NFIB: variants seen among roughly 807,000 people sequenced by gnomAD.
The protein encoded by NFIB is nuclear factor I B, also known as nuclear factor 1 B-type.
In NFIB, 11 loss-of-function variants were observed where a neutral mutation model predicts 61.5. That is an observed-to-expected ratio of 0.18 (90% CI 0.11 to 0.30). NFIB has a LOEUF of 0.30. Ranked by LOEUF, NFIB falls within the 10% of genes least tolerant of loss-of-function variation. The pLI, the probability that NFIB is intolerant of heterozygous loss-of-function variation, is 1.00. For missense variants in NFIB, 471 were observed against 608.9 expected (o/e 0.77, Z 2.38); for synonymous variants, 260 against 216.5 (o/e 1.20, Z -1.76).
chr9:14,164,453 T>C (rs936780188), intron 3 of NFIB, among the ~76,000 whole-genome samples: 1 of 152,118 alleles, frequency 6.6e-6, no homozygotes, highest in African/African-American at 2.4e-5. Context: ...GACAATGGTA[T>C]GTGTGTATCT....
At chr9:14,484,235 C>T in the NFIB span, among the ~76,000 whole-genome samples, 2 of 152,188 alleles carry the variant, frequency 1.3e-5, no homozygotes, top group Non-Finnish European at 2.9e-5. Context: ...ACTAAACAGA[C>T]AAAATCCCTG....
chr9:14,315,570 G>C (rs964282505), upstream of NFIB, among the ~76,000 whole-genome samples: 1 of 143,816 alleles, frequency 7.0e-6, no homozygotes, highest in Non-Finnish European at 1.5e-5. Context: ...CGCGCGCGCC[G>C]CTGCAGCCCT....
the NFIB span, among the ~76,000 whole-genome samples, chr9:14,415,756 A>G: frequency 6.6e-6 from 1 of 152,246 alleles, no homozygotes; most frequent in Non-Finnish European, 1.5e-5. Context: ...TCGGTGTCCA[A>G]CAATAGCTCC....
At chr9:14,364,212 C>A (rs1437175246) in intron 1 of NFIB, among the ~76,000 whole-genome samples, 1 of 152,180 alleles carries the variant, frequency 6.6e-6, no homozygotes, top group Admixed American at 6.5e-5. Context: ...ACCCTCTTAG[C>A]AACCCTAAAA....
chr9:14,452,125 C>A, the NFIB span, among the ~76,000 whole-genome samples: 1 of 152,188 alleles, frequency 6.6e-6, no homozygotes, highest in East Asian at 1.9e-4. Flanking sequence ...TCTCATAAAG[C>A]CTTTCTTATT....
At chr9:14,330,678 C>T (rs930995843) in intron 1 of NFIB, among the ~76,000 whole-genome samples, 1 of 152,152 alleles carries the variant, frequency 6.6e-6, no homozygotes, top group Admixed American at 6.6e-5. Flanking sequence ...CAGAACACCA[C>T]TCTCTAGGTT....
chr9:14,139,972 T>C (rs1053718903), intron 6 of NFIB, among the ~76,000 whole-genome samples: 1 of 152,198 alleles, frequency 6.6e-6, no homozygotes, highest in Non-Finnish European at 1.5e-5. Context: ...ATATTTTCCA[T>C]AATAAGAAGC....
the NFIB span, among the ~76,000 whole-genome samples, chr9:14,421,103 G>C: frequency 1.4e-5 from 2 of 140,840 alleles, no homozygotes; most frequent in South Asian, 2.2e-4. Flanking sequence ...AAAAAATAAG[G>C]CATGTATACC....
intron 6 of NFIB, among the ~76,000 whole-genome samples, chr9:14,140,200 G>T (rs1395773043): frequency 6.6e-6 from 1 of 152,168 alleles, no homozygotes; most frequent in Non-Finnish European, 1.5e-5. Flanking sequence ...ACTTCTTCCA[G>T]TATGGTTACT....
chr9:14,153,142 T>C (rs1349775222), intron 4 of NFIB, among the ~76,000 whole-genome samples: 1 of 152,140 alleles, frequency 6.6e-6, no homozygotes, highest in Admixed American at 6.6e-5. Flanking sequence ...ATGGATTCCA[T>C]AAATATGTAC....
At chr9:14,521,262 G>T in the NFIB span, among the ~76,000 whole-genome samples, 2 of 152,268 alleles carry the variant, frequency 1.3e-5, no homozygotes, top group African/African-American at 4.8e-5. Context: ...CCAGAATAAG[G>T]TTCTGTCCTC....
At chr9:14,406,976 G>C in the NFIB span, among the ~76,000 whole-genome samples, 1 of 152,178 alleles carries the variant, frequency 6.6e-6, no homozygotes, top group Non-Finnish European at 1.5e-5. Context: ...TGTTAATGCA[G>C]AGATTGCATC....
At chr9:14,184,746 A>G (rs1261356896) in intron 2 of NFIB, among the ~76,000 whole-genome samples, 1 of 152,122 alleles carries the variant, frequency 6.6e-6, no homozygotes, top group Admixed American at 6.6e-5. Context: ...ATCAATTAAG[A>G]TTTATGCTCA....
At chr9:14,456,208 CA>C in the NFIB span, among the ~76,000 whole-genome samples, 2 of 91,716 alleles carry the variant, frequency 2.2e-5, no homozygotes, top group Non-Finnish European at 4.8e-5. Flanking sequence ...AACTACTTGG[CA>C]TTTTTTTTTT....
At chr9:14,430,597 TTTG>T in the NFIB span, among the ~76,000 whole-genome samples, 1 of 144,658 alleles carries the variant, frequency 6.9e-6, no homozygotes, top group African/African-American at 2.6e-5. Context: ...TATTTATTTA[TTTG>T]AGACACAGCC....
the NFIB span, among the ~76,000 whole-genome samples, chr9:14,478,786 C>T: frequency 6.6e-6 from 1 of 152,154 alleles, no homozygotes; most frequent in East Asian, 1.9e-4. Context: ...TATCCTTGCA[C>T]ATGCATATTT....
chr9:14,327,348 G>A (rs2060767376), intron 1 of NFIB, among the ~76,000 whole-genome samples: 1 of 152,174 alleles, frequency 6.6e-6, no homozygotes, highest in African/African-American at 2.4e-5. Context: ...TCTAGAACAT[G>A]TTGATATCAT....
intron 2 of NFIB, among the ~76,000 whole-genome samples, chr9:14,305,021 G>A (rs933819313): frequency 6.6e-6 from 1 of 152,192 alleles, no homozygotes; most frequent in African/African-American, 2.4e-5. Context: ...TTACAATAGA[G>A]ATTGTTGAAC....
chr9:14,390,304 A>G (rs2061604853), intron 1 of NFIB, among the ~76,000 whole-genome samples: 1 of 152,214 alleles, frequency 6.6e-6, no homozygotes, highest in Non-Finnish European at 1.5e-5. Flanking sequence ...TATATATAAA[A>G]TGGAGAAAAT....
Sources: allele counts gnomAD v4.1 joint callset (sites outside exome capture counted in the v4.1 genomes callset), GRCh38; gene constraint gnomAD v4.1.1; transcripts MANE v1.5; gene names NCBI Gene and HGNC (gene_info 2026-07-23, HGNC 2026-07-21).